The following ROCK2 variants were observed in gnomAD, a reference collection of about 807,000 sequenced individuals.
The protein encoded by ROCK2 is Rho associated coiled-coil containing protein kinase 2, also known as rho-associated protein kinase 2.
In ROCK2, 61 loss-of-function variants were observed where a neutral mutation model predicts 195.1. That is an observed-to-expected ratio of 0.31 (90% CI 0.25 to 0.39). The LOEUF is 0.39. ROCK2 is among the 10% of genes least tolerant of loss of function. The probability of loss-of-function intolerance (pLI) is 1.00; values close to 1 mark genes in which losing one functional copy is unlikely to be tolerated. For missense variants in ROCK2, 1,109 were observed against 1,637.4 expected, an observed-to-expected ratio of 0.68 and a Z score of 5.57; for synonymous variants, 504 against 545.5, an observed-to-expected ratio of 0.92 and a Z score of 1.06.
At chr2:11,244,542 G>C (rs1366613926) in intron 4 of ROCK2, among the ~76,000 whole-genome samples, 1 of 152,096 alleles carries the variant, frequency 6.6e-6, no homozygotes, top group Non-Finnish European at 1.5e-5. Context: ...GAGATAGGAG[G>C]AATGCTTGAG....
intron 3 of ROCK2, among the ~76,000 whole-genome samples, chr2:11,280,086 A>G (rs1666948577): frequency 6.6e-6 from 1 of 152,204 alleles, no homozygotes; most frequent in African/African-American, 2.4e-5. Flanking sequence ...TTAGGAAACT[A>G]GAAACAGAAG....
intron 3 of ROCK2, among the ~76,000 whole-genome samples, chr2:11,265,508 A>C (rs916197401): frequency 6.6e-6 from 1 of 152,204 alleles, no homozygotes; most frequent in East Asian, 1.9e-4. Context: ...ATAAATACCC[A>C]CTGAAAATAA....
In ROCK2 at chr2:11,208,401, C is replaced by A; in HGVS notation, c.2250G>T (p.Val750=). The A allele has an allele frequency of 6.4e-7, 1 of 1,551,298 alleles. No homozygotes were observed. Residue 750 remains valine, a synonymous_variant, in exon 19 of 33, where the codon GTG becomes GTT. Coordinates refer to ENST00000315872, the MANE Select transcript of ROCK2 (RefSeq NM_004850.5). ...LLEERTLKQK[V]ENLLLEAEKR... Reference sequence around the variant, plus strand: ...TCTCAGCTTCTAGCAATAGGTTCTCCACTTTCTGTTTTAAAGTTCTTTCCT... The same window carrying A: ...TCTCAGCTTCTAGCAATAGGTTCTCAACTTTCTGTTTTAAAGTTCTTTCCT...
chr2:11,224,232 T>C, intron 7 of ROCK2, 90 bp downstream of exon 7: 1 of 1,247,654 alleles, frequency 8.0e-7, no homozygotes, highest in South Asian at 1.5e-5. Flanking sequence ...AGAGGCAGAC[T>C]GATTTCATAT....
At chr2:11,321,377 C>T (rs1015911325) in intron 1 of ROCK2, among the ~76,000 whole-genome samples, 1 of 151,608 alleles carries the variant, frequency 6.6e-6, no homozygotes, top group African/African-American at 2.4e-5. Context: ...GGTTTTTTGC[C>T]ATGTTAGCCA....
At chr2:11,276,076 A>C (rs1481666044) in intron 3 of ROCK2, among the ~76,000 whole-genome samples, 2 of 152,238 alleles carry the variant, frequency 1.3e-5, no homozygotes, top group African/African-American at 4.8e-5. Flanking sequence ...CAACGTAATA[A>C]ACTACATATG....
intron 1 of ROCK2, among the ~76,000 whole-genome samples, chr2:11,302,787 CT>C: frequency 6.6e-6 from 1 of 152,230 alleles, no homozygotes; most frequent in East Asian, 1.9e-4. Context: ...TAAAATAATA[CT>C]TTGTTATACT....
chr2:11,241,703 A>C (rs559602836), intron 4 of ROCK2, among the ~76,000 whole-genome samples: 1 of 152,214 alleles, frequency 6.6e-6, no homozygotes, highest in African/African-American at 2.4e-5. Context: ...GAACAACTGA[A>C]TATCCATATG....
chr2:11,218,347 G>T, intron 11 of ROCK2, 108 bp downstream of exon 11: 2 of 678,556 alleles, frequency 2.9e-6, no homozygotes, highest in East Asian at 2.8e-5. Flanking sequence ...CTTCTCTCTT[G>T]GGTAGATGTA....
intron 4 of ROCK2, among the ~76,000 whole-genome samples, chr2:11,243,713 A>T (rs1308970814): frequency 6.6e-6 from 1 of 152,222 alleles, no homozygotes; most frequent in Non-Finnish European, 1.5e-5. Context: ...AGTATGAGAA[A>T]CTGTCACAGC....
chr2:11,341,868 T>C (rs1346033825), intron 1 of ROCK2, among the ~76,000 whole-genome samples: 1 of 152,144 alleles, frequency 6.6e-6, no homozygotes, highest in Admixed American at 6.5e-5. Context: ...AACATTAATT[T>C]ACAGTTTCAG....
Position 11,184,632 on chromosome 2 carries a change from AC to A in ROCK2, c.4164-1193del, listed in dbSNP as rs983752696. On this transcript the variant is annotated intron_variant, in intron 32 of 32. Transcript: ENST00000315872. ...CAAACCACATGCACTACGTTGAAGT[AC>A]TAAAATAACTGATTTTTCATTTTTT... 1,190 of 985,170 alleles carry A rather than the reference AC, an allele frequency of 1.2e-3. 5 individuals carry two copies. In the African/African-American group the frequency reaches 0.02, roughly 16 times the overall value. 61.0% of individuals were successfully genotyped at this position (985,170 alleles called of 1,614,324 possible).
chr2:11,256,039 CAG>C (rs1303187814), intron 3 of ROCK2, among the ~76,000 whole-genome samples: 1 of 149,986 alleles, frequency 6.7e-6, no homozygotes, highest in Non-Finnish European at 1.5e-5. Context: ...TGAAGAGACT[CAG>C]GGGATTCCAA....
intron 23 of ROCK2, 139 bp from the exon 24 acceptor site, chr2:11,198,913 GCT>G: frequency 1.7e-6 from 1 of 572,438 alleles, no homozygotes; most frequent in South Asian, 2.2e-5. Context: ...ACAGAGTCTT[GCT>G]CTGTCACCCA....
chr2:11,299,266 T>TC (rs1572379959), intron 1 of ROCK2, among the ~76,000 whole-genome samples: 1 of 143,690 alleles, frequency 7.0e-6, no homozygotes, highest in East Asian at 2.0e-4. Flanking sequence ...AGAGCAAGAC[T>TC]CCATCTCAAA....
chr2:11,197,030 G>T lies in ROCK2; in HGVS notation c.3448+150C>A. 1 of 442,770 alleles carries T rather than the reference G, an allele frequency of 2.3e-6. No homozygotes were observed. 27.4% of individuals were successfully genotyped at this position (442,770 alleles called of 1,614,324 possible). On this transcript the variant is annotated intron_variant, in intron 27 of 32. Transcript: ENST00000315872. The surrounding 1 kb of genome is among the most constrained non-coding windows in gnomAD (Gnocchi z 4.9). ...AAAAATCAATAAATAAAATAAGTTT[G>T]AAATGTTACTTGAATCCTTACTCCA...
chr2:11,296,324 TG>T (rs1667537689), intron 1 of ROCK2, among the ~76,000 whole-genome samples: 1 of 152,152 alleles, frequency 6.6e-6, no homozygotes, highest in South Asian at 2.1e-4. Context: ...GATAAAGTTT[TG>T]TTTATTAGAA....
intron 4 of ROCK2, among the ~76,000 whole-genome samples, chr2:11,248,708 CAAAAAAAAAAAAAAAAAAAAAAA>C (rs70953372): frequency 2.2e-5 from 1 of 45,412 alleles, no homozygotes; most frequent in African/African-American, 1.4e-4. Flanking sequence ...GACTTCATCT[CAAAAAAAAAAAAAAAAAAAAAAA>C]AAAAAAAGAA....
chr2:11,183,518 C>CT, intron 32 of ROCK2, 78 bp from the exon 33 acceptor site: 1 of 1,065,210 alleles, frequency 9.4e-7, no homozygotes, highest in East Asian at 2.5e-5. Flanking sequence ...AAAAGCATTC[C>CT]ATTCACATTA....
Sources: allele counts gnomAD v4.1 joint callset (sites outside exome capture counted in the v4.1 genomes callset), GRCh38; gene constraint gnomAD v4.1.1; non-coding constraint Gnocchi (gnomAD v3.1); transcripts MANE v1.5; gene names NCBI Gene and HGNC (gene_info 2026-07-23, HGNC 2026-07-21).